The following PLEKHM3 variants were observed in gnomAD, a reference collection of about 807,000 sequenced individuals.
PLEKHM3 encodes the protein pleckstrin homology domain containing M3.
Under a neutral mutation model 81.8 loss-of-function variants are expected in PLEKHM3, and 45 were observed. The ratio of observed to expected loss-of-function variants is 0.55; its 90% CI spans 0.43 to 0.71. PLEKHM3 has a LOEUF of 0.71. Ranked by LOEUF, PLEKHM3 falls within the 30% of genes least tolerant of loss-of-function variation. The pLI is 0.00. For missense variants in PLEKHM3, 788 were observed against 924.3 expected, an observed-to-expected ratio of 0.85 and a Z score of 1.91; for synonymous variants, 352 against 356.4, an observed-to-expected ratio of 0.99 and a Z score of 0.14.
At position 207,925,140 on chromosome 2, in the gene PLEKHM3, G is replaced by GTTTTTT. The variant is rs1189512339; in HGVS notation, c.1886+5780_1886+5785dup. Among the ~76,000 whole-genome samples the GTTTTTT allele has an allele frequency of 1.7e-5, 2 of 118,290 alleles. 1 individual carries two copies. The highest frequency in any genetic ancestry group is 4.0e-5 in the Non-Finnish European group (2 of 49,534). The allele number at this position is 118,290 out of a possible 152,430, so 77.6% of individuals were successfully genotyped here. A position where few individuals can be genotyped will look rare whatever the true frequency, so the allele number is the denominator to read the frequency against. On this transcript the variant is annotated intron_variant, in intron 5 of 7. Coordinates refer to ENST00000427836, the MANE Select transcript of PLEKHM3 (RefSeq NM_001080475.3). Reference sequence around the variant, plus strand: ...GTAGTATGAACAGGGTTGTTTTTTTGTTTTTTGTTTTTTTTTTTTAGTGAG... The same window carrying GTTTTTT: ...GTAGTATGAACAGGGTTGTTTTTTTGTTTTTTTTTTTTGTTTTTTTTTTTTAGTGAG...
chr2:207,871,798 C>A (rs1357000776), intron 6 of PLEKHM3, among the ~76,000 whole-genome samples: 2 of 152,112 alleles, frequency 1.3e-5, no homozygotes, highest in South Asian at 2.1e-4. Flanking sequence ...GATATAGGTA[C>A]ATGTGTTTTA....
At chr2:207,884,290 T>C (rs1376787387) in intron 6 of PLEKHM3, among the ~76,000 whole-genome samples, 2 of 152,212 alleles carry the variant, frequency 1.3e-5, no homozygotes, top group Non-Finnish European at 2.9e-5. Context: ...AGATACGATG[T>C]CTGCTCTCAC....
chr2:207,916,068 C>G (rs544975577), intron 5 of PLEKHM3, among the ~76,000 whole-genome samples: 37 of 152,282 alleles, frequency 2.4e-4, no homozygotes, highest in African/African-American at 8.7e-4. Flanking sequence ...AAATCAAAGG[C>G]ACATATTTCG....
Position 207,882,724 on chromosome 2 carries a change from A to C in PLEKHM3, c.1951-21462T>G, listed in dbSNP as rs116623744. On this transcript the variant is annotated intron_variant, in intron 6 of 7. Coordinates refer to ENST00000427836, the MANE Select transcript of PLEKHM3 (RefSeq NM_001080475.3). ...ACTGATGATGTTGTTTATTCAGACTAAAAGGCAGACTACATATATGTCTAA... is the reference window on the plus strand; with the variant it reads ...ACTGATGATGTTGTTTATTCAGACTCAAAGGCAGACTACATATATGTCTAA... 3.9e-3 allele frequency among the ~76,000 whole-genome samples: 590 copies of C among 152,286 alleles called. 8 individuals carry two copies. The highest frequency in any genetic ancestry group is 0.012 in the African/African-American group (493 of 41,552).
At chr2:208,015,645 TATA>T (rs1038898126) in intron 1 of PLEKHM3, among the ~76,000 whole-genome samples, 19 of 152,186 alleles carry the variant, frequency 1.2e-4, no homozygotes, top group African/African-American at 4.6e-4. Context: ...TTTGCAAGAG[TATA>T]ATAACTGTGA....
intron 6 of PLEKHM3, among the ~76,000 whole-genome samples, chr2:207,897,703 C>T (rs1204294058): frequency 6.6e-6 from 1 of 152,194 alleles, no homozygotes; most frequent in East Asian, 1.9e-4. Flanking sequence ...ACCTTTGCTC[C>T]AGGCAGAAAC....
chr2:207,831,554 T>C (rs2092288174), intron 7 of PLEKHM3, among the ~76,000 whole-genome samples: 1 of 152,270 alleles, frequency 6.6e-6, no homozygotes, highest in Non-Finnish European at 1.5e-5. Context: ...CTGCTCACGG[T>C]GAACCCCTTC....
chr2:207,830,490 G>A (rs934666378), intron 7 of PLEKHM3, among the ~76,000 whole-genome samples: 4 of 151,666 alleles, frequency 2.6e-5, no homozygotes, highest in Non-Finnish European at 5.9e-5. Context: ...ACGCATGCCT[G>A]TAATCCCAGC....
chr2:207,886,450 G>GTGTTATTGT (rs1411131238), intron 6 of PLEKHM3, among the ~76,000 whole-genome samples: 1 of 152,210 alleles, frequency 6.6e-6, no homozygotes, highest in Non-Finnish European at 1.5e-5. Flanking sequence ...TGTCATAGCT[G>GTGTTATTGT]CATTCCACCT....
At position 208,001,816 on chromosome 2, in the gene PLEKHM3, TA is replaced by T; in HGVS notation, c.-178del. 9.9e-7 allele frequency: 1 copy of T among 1,011,522 alleles called. No homozygotes were observed. The highest frequency in any genetic ancestry group is 1.4e-6 in the Non-Finnish European group (1 of 710,080). 62.7% of individuals were successfully genotyped at this position (1,011,522 alleles called of 1,614,324 possible). ...AAGTGGTTGATGTTTTCCTGGTAAT[TA>T]AAAGCATTTGCTAGTGGCTAATGGG... On this transcript the variant is annotated 5_prime_UTR_variant, in exon 2 of 8. An upstream open reading frame in the 5' UTR gains an earlier in-frame stop. Transcript: ENST00000427836.
chr2:207,861,344 T>A, intron 6 of PLEKHM3, 82 bp from the exon 7 acceptor site: 2 of 1,374,698 alleles, frequency 1.5e-6, no homozygotes, highest in Non-Finnish European at 2.0e-6. Context: ...AGGAATTCCT[T>A]TCCTTTACAC....
chr2:207,974,622 C>A (rs72966946), intron 3 of PLEKHM3, among the ~76,000 whole-genome samples: 1 of 152,218 alleles, frequency 6.6e-6, no homozygotes, highest in Non-Finnish European at 1.5e-5. Context: ...TCCAGGATGT[C>A]CAGAGTAAGC....
At chr2:207,870,152 A>T (rs2092525236) in intron 6 of PLEKHM3, among the ~76,000 whole-genome samples, 1 of 152,180 alleles carries the variant, frequency 6.6e-6, no homozygotes, top group Non-Finnish European at 1.5e-5. Context: ...GGCACAAATG[A>T]TTCTTTTATG....
chr2:207,878,963 A>G (rs1275356913), intron 6 of PLEKHM3, among the ~76,000 whole-genome samples: 1 of 151,886 alleles, frequency 6.6e-6, no homozygotes, highest in African/African-American at 2.4e-5. Flanking sequence ...CTTTTTCCTC[A>G]CTTGCTTCTA....
At chr2:207,954,725 T>C (rs544175745) in intron 3 of PLEKHM3, among the ~76,000 whole-genome samples, 1 of 152,360 alleles carries the variant, frequency 6.6e-6, no homozygotes, top group African/African-American at 2.4e-5. Flanking sequence ...AGCTTTGACA[T>C]GTAGGACCTA....
chr2:207,852,795 C>T (rs1419266128), intron 7 of PLEKHM3: 3 of 447,392 alleles, frequency 6.7e-6, no homozygotes, highest in Non-Finnish European at 1.3e-5. Flanking sequence ...CAGCATCAGG[C>T]CACATATCCT....
At chr2:207,892,654 C>T (rs368135469) in intron 6 of PLEKHM3, among the ~76,000 whole-genome samples, 6 of 152,262 alleles carry the variant, frequency 3.9e-5, no homozygotes, top group East Asian at 1.9e-4. Context: ...CAACTTCTCT[C>T]GCCACCCCTT....
chr2:208,011,874 G>A (rs547463524), intron 1 of PLEKHM3, among the ~76,000 whole-genome samples: 1 of 130,290 alleles, frequency 7.7e-6, no homozygotes, highest in Admixed American at 9.5e-5. Context: ...CTCGGCTCAC[G>A]GCAACCTCTG....
chr2:207,829,168 T>C lies in PLEKHM3; in HGVS notation c.2109-672A>G, dbSNP rs140511710. ...ATTTTTCAAACAATATGACAGATAT[T>C]GTAATATGTAGAGAGCAAACATTCC... On this transcript the variant is annotated intron_variant, in intron 7 of 7. Transcript: ENST00000427836. 4.7e-3 allele frequency among the ~76,000 whole-genome samples: 712 copies of C among 152,298 alleles called. 6 individuals are homozygous for C. The highest frequency in any genetic ancestry group is 0.016 in the African/African-American group (664 of 41,550).
Sources: gnomAD v4.1 joint callset for allele counts (sites outside exome capture counted in the v4.1 genomes callset) on GRCh38, gnomAD v4.1.1 for gene constraint, MANE v1.5 for transcripts, NCBI Gene and HGNC (gene_info 2026-07-23, HGNC 2026-07-21) for gene names.